Variants in ZNF550 observed in about 807,000 individuals in gnomAD.
ZNF550 encodes the protein zinc finger protein 550.
ZNF550 carries 42 observed loss-of-function variants against 40.2 expected under a neutral mutation model. That is an observed-to-expected ratio of 1.05 (90% CI 0.82 to 1.35). ZNF550 has a LOEUF of 1.35. Ranked by LOEUF, ZNF550 falls within the 40% of genes most tolerant of loss-of-function variation. ZNF550 has a pLI of 0.00. For missense variants in ZNF550, 549 were observed against 525.2 expected, an observed-to-expected ratio of 1.05 and a Z score of -0.44; for synonymous variants, 223 against 198.6, an observed-to-expected ratio of 1.12 and a Z score of -1.03.
At position 57,554,153 on chromosome 19, in the gene ZNF550, G is replaced by C. The variant is rs2090099307; in HGVS notation, c.155-1431C>G. 1 of 152,160 alleles carries C rather than the reference G, an allele frequency of 6.6e-6. No homozygotes were observed. The highest frequency in any genetic ancestry group is 1.5e-5 in the Non-Finnish European group (1 of 68,098). 9.4% of individuals were successfully genotyped at this position (152,160 alleles called of 1,614,324 possible). A position where few individuals can be genotyped will look rare whatever the true frequency, so the allele number is the denominator to read the frequency against. ...AGATCATGGCACTGCACTTCAGCCT[G>C]AATGACAGAGCAAGACTCCATCTCA... On this transcript the variant is annotated intron_variant, in intron 2 of 4. Transcript: ENST00000457177. This position sits in a 1 kb window ranked among gnomAD's most constrained non-coding sequence, Gnocchi z 4.5.
chr19:57,555,830 CAG>C (rs1398807881), intron 2 of ZNF550: 3 of 229,760 alleles, frequency 1.3e-5, no homozygotes, highest in Non-Finnish European at 2.6e-5. Flanking sequence ...TGCCTTTTTA[CAG>C]AGATTGTATT....
chr19:57,558,476 C>T (rs960655402), intron 1 of ZNF550, among the ~76,000 whole-genome samples: 32 of 152,228 alleles, frequency 2.1e-4, no homozygotes, highest in African/African-American at 7.7e-4. Flanking sequence ...TTATTAAGTA[C>T]AATAAATGTA....
In ZNF550 at chr19:57,556,000, T is replaced by A. The variant is rs528415876; in HGVS notation, c.154+231A>T. On this transcript the variant is annotated intron_variant, in intron 2 of 4. Transcript: ENST00000457177. ...CAGGATGGCCAATCAGCTTCCTTCT[T>A]ATGCAATCTTGATTAAGGACCTCAG... The A allele has an allele frequency of 3.1e-3, 1,517 of 493,020 alleles. 38 individuals carry two copies. The highest frequency in any genetic ancestry group is 0.03 in the South Asian group (1,467 of 49,488). The allele number at this position is 493,020 out of a possible 1,614,324, so 30.5% of individuals were successfully genotyped here. A position where few individuals can be genotyped will look rare whatever the true frequency, so the allele number is the denominator to read the frequency against.
At chr19:57,556,840 C>G (rs955638840) in intron 1 of ZNF550, 4 of 166,924 alleles carry the variant, frequency 2.4e-5, no homozygotes, top group African/African-American at 9.6e-5. Context: ...TAACCCTAGC[C>G]CCAACCCTGT....
intron 4 of ZNF550, chr19:57,544,565 G>A (rs2089991418): frequency 1.0e-6 from 1 of 985,174 alleles, no homozygotes. Flanking sequence ...CCACAGGAGA[G>A]GAAACTGTGC....
At chr19:57,543,530 C>A in intron 4 of ZNF550, 1 of 828,042 alleles carries the variant, frequency 1.2e-6, no homozygotes, top group Non-Finnish European at 1.5e-6. Context: ...ATGGTCATAA[C>A]TAGTCCCACC....
exon 4 of ZNF550, chr19:57,546,555 C>T: frequency 2.0e-6 from 2 of 994,522 alleles, no homozygotes; most frequent in Non-Finnish European, 2.4e-6. Flanking sequence ...AACCTGGTCA[C>T]AAAGTTTTCT....
intron 3 of ZNF550, among the ~76,000 whole-genome samples, chr19:57,551,572 C>T (rs1343645572): frequency 6.6e-6 from 1 of 152,124 alleles, no homozygotes; most frequent in Non-Finnish European, 1.5e-5. Context: ...GTGTTTCCAG[C>T]CTTCTAACCT....
At chr19:57,547,479 C>T (rs1478283336) in exon 4 of ZNF550, 3 of 1,614,060 alleles carry the variant, frequency 1.9e-6, no homozygotes, top group East Asian at 2.2e-5. Flanking sequence ...ATGGTTTCTC[C>T]CCGGTGTGGA....
exon 5 of ZNF550, chr19:57,542,587 G>C (rs1466771739): frequency 6.6e-6 from 1 of 151,726 alleles, no homozygotes; most frequent in Non-Finnish European, 1.5e-5. Context: ...TTTTGCTGTA[G>C]TTTGAGTGAA....
rs147001127 is a variant in ZNF550, at chr19:57,550,138, C to G, written c.251-2145G>C. On this transcript the variant is annotated intron_variant, in intron 3 of 4. Coordinates refer to ENST00000457177, the Ensembl canonical transcript of ZNF550. ...ACTTCAGTGCTGTGATCTGAGGAAG[C>G]TAGCAGCTGTGCTTCATGAAGTGGC... Among the ~76,000 whole-genome samples the G allele has an allele frequency of 2.1e-3, 318 of 152,306 alleles. 2 individuals carry two copies. Among genetic ancestry groups the G allele is most frequent in the African/African-American group, 6.2e-3 (256 of 41,566 alleles).
chr19:57,547,089 G>A (rs373511509), exon 4 of ZNF550: 2 of 1,611,436 alleles, frequency 1.2e-6, no homozygotes, highest in Non-Finnish European at 8.5e-7. Context: ...GCTGAATGAG[G>A]TACGTGCTCC....
At chr19:57,545,746 C>G (rs2090002970) in intron 4 of ZNF550, among the ~76,000 whole-genome samples, 1 of 152,188 alleles carries the variant, frequency 6.6e-6, no homozygotes, top group African/African-American at 2.4e-5. Flanking sequence ...GGTGCAGTGA[C>G]TCACACCTGT....
At chr19:57,547,971 G>A (rs1183992309) in exon 4 of ZNF550, 1 of 1,613,528 alleles carries the variant, frequency 6.2e-7, no homozygotes, top group Admixed American at 1.7e-5. Context: ...TTGGCTCTCT[G>A]GTATGAACTT....
At chr19:57,559,621 C>T in intron 1 of ZNF550, 35 bp downstream of exon 1, 1 of 1,465,640 alleles carries the variant, frequency 6.8e-7, no homozygotes, top group Non-Finnish European at 9.1e-7. Context: ...ACACTGAGGC[C>T]GGGTGGCCGC....
chr19:57,547,319 G>C (rs1000555832), exon 4 of ZNF550: 6 of 1,614,012 alleles, frequency 3.7e-6, no homozygotes, highest in African/African-American at 1.3e-5. Flanking sequence ...TCTCCAGTGT[G>C]GGTCCTATTA....
At chr19:57,558,940 T>C (rs1018624109) in intron 1 of ZNF550, among the ~76,000 whole-genome samples, 2 of 152,224 alleles carry the variant, frequency 1.3e-5, no homozygotes, top group South Asian at 2.1e-4. Context: ...CAGGAAAATA[T>C]ACTGTTAGTT....
At chr19:57,544,201 T>C (rs1387735679) in intron 4 of ZNF550, 4 of 985,326 alleles carry the variant, frequency 4.1e-6, no homozygotes, top group Middle Eastern at 5.2e-4. Context: ...TGAGTGGCCA[T>C]GGAGCTAAAT....
intron 3 of ZNF550, among the ~76,000 whole-genome samples, chr19:57,550,313 T>A (rs1451106242): frequency 6.6e-6 from 1 of 152,232 alleles, no homozygotes; most frequent in Non-Finnish European, 1.5e-5. Context: ...ACCAGTCATC[T>A]CCTGGGTGTA....
Sources: allele counts gnomAD v4.1 joint callset (sites outside exome capture counted in the v4.1 genomes callset), GRCh38; gene constraint gnomAD v4.1.1; non-coding constraint Gnocchi (gnomAD v3.1); transcripts MANE v1.5; gene names NCBI Gene and HGNC (gene_info 2026-07-23, HGNC 2026-07-21).